The following DMBT1 variants were observed in gnomAD, a reference collection of about 807,000 sequenced individuals.
DMBT1 encodes deleted in malignant brain tumors 1.
A neutral mutation model predicts 252.9 loss-of-function variants in DMBT1; 198 were observed. The ratio of observed to expected loss-of-function variants is 0.78; its 90% confidence interval spans 0.70 to 0.88. DMBT1 has a LOEUF of 0.88. Among genes scored for constraint, DMBT1 ranks in the 40% least tolerant of loss-of-function variants. DMBT1 has a pLI of 0.00. For synonymous variants in DMBT1, 990 were observed against 942.7 expected, an observed-to-expected ratio of 1.05 and a Z score of -0.92; for missense variants, 2,432 against 2,404.7, an observed-to-expected ratio of 1.01 and a Z score of -0.24.
At position 122,621,121 on chromosome 10, in the gene DMBT1, G is replaced by T; in HGVS notation, c.5349G>T (p.Glu1783Asp). The change falls in exon 44 of 56, where the codon GAG becomes GAT. Residue 1783 changes from glutamate (E) to aspartate (D), a missense_variant. Glu to Asp is a conservative substitution (Grantham distance 45). This residue lies in a region of DMBT1 where 1,162 missense variants were observed against 1,169.0 expected (regional missense o/e 0.99). Transcript: ENST00000338354. ...GTGACAGGTGTCGAGGCCGAGTGGA[G>T]GTCCTGTATCGAGGCTCCTGGGGAA... is the stretch of plus-strand genomic sequence containing the variant. ...NGGDRCRGRV[E>D]VLYRGSWGTV... 6.2e-7 allele frequency: 1 copy of T among 1,613,772 alleles called. No individual in the cohort carries two copies. The highest frequency in any genetic ancestry group is 1.1e-5 in the South Asian group (1 of 91,076).
At chr10:122,631,754 G>T (rs1160700700) in intron 49 of DMBT1, 101 bp from the exon 50 acceptor site, 10 of 1,346,614 alleles carry the variant, frequency 7.4e-6, no homozygotes, top group Admixed American at 1.8e-5. Flanking sequence ...TCGCCGAGGG[G>T]GGTCAGGTTA....
rs145944415 is a variant in DMBT1 at position 122,619,235 on chromosome 10, TTCTA to T, written c.5216-69_5216-66del. The T allele has an allele frequency of 5.9e-3, 9,413 of 1,597,934 alleles. 42 individuals are homozygous for T. The highest frequency in any genetic ancestry group is 6.8e-3 in the Non-Finnish European group (7,922 of 1,166,402). ...CTGAGTGTCAGGCTTGCCCAGTTCC[TTCTA>T]TCTTTGTTCCAGTTTTGCCATTTTC... On this transcript the variant is annotated intron_variant, in intron 41 of 55. Transcript: ENST00000338354.
At position 122,579,694 on chromosome 10, in the gene DMBT1, A is replaced by G; in HGVS notation, c.796A>G (p.Asn266Asp). Residue 266 changes from asparagine (N) to aspartate (D), a missense_variant, in exon 10 of 56, where the codon AAT becomes GAT. This residue lies in a region of DMBT1 where 1,264 missense variants were observed against 1,082.2 expected (regional missense o/e 1.17). Coordinates refer to ENST00000338354, the MANE Select transcript of DMBT1 (RefSeq NM_001377530.1). ...GTVCDDYWDT[N>D]DANVVCRQLG... ...CGTGTGTGATGACTACTGGGACACC[A>G]ATGATGCCAATGTGGTCTGCAGGCA... 1 of 1,613,874 alleles carries G rather than the reference A, an allele frequency of 6.2e-7. No homozygotes were observed. Among genetic ancestry groups the G allele is most frequent in the East Asian group, 2.2e-5 (1 of 44,856 alleles).
In DMBT1 at chr10:122,592,372, T is replaced by C. The variant is rs767753908; in HGVS notation, c.2277T>C (p.Asp759=). The change falls in exon 20 of 56, where the codon GAT becomes GAC. Residue 759 remains aspartate, a synonymous_variant. Coordinates refer to ENST00000338354, the MANE Select transcript of DMBT1 (RefSeq NM_001377530.1). ...GAGGCTCCTGGGGCACCGTGTGTGA[T>C]GACAGCTGGGATACCAATGATGCCA... is the stretch of plus-strand genomic sequence containing the variant. ...LYRGSWGTVC[D]DSWDTNDANV... is the part of the protein sequence containing the mutation. 6.9e-6 allele frequency: 11 copies of C among 1,588,536 alleles called. 2 individuals carry two copies. The highest frequency in any genetic ancestry group is 5.7e-5 in the South Asian group (5 of 86,962).
At chr10:122,590,539 G>C in intron 17 of DMBT1, 126 bp from the exon 18 acceptor site, 1 of 1,199,892 alleles carries the variant, frequency 8.3e-7, no homozygotes, top group East Asian at 2.5e-5. Flanking sequence ...GCATGGCAAT[G>C]CCCCTCCCTC....
intron 42 of DMBT1, among the ~76,000 whole-genome samples, chr10:122,619,842 G>T (rs529901566): frequency 2.7e-4 from 41 of 152,354 alleles, no homozygotes; most frequent in African/African-American, 8.7e-4. Context: ...CCATGCTCGG[G>T]CAGGGAGAGG....
intron 6 of DMBT1, among the ~76,000 whole-genome samples, chr10:122,574,982 G>A (rs1281039269): frequency 6.6e-6 from 1 of 152,214 alleles, no homozygotes; most frequent in East Asian, 1.9e-4. Flanking sequence ...AGTGGGTTAA[G>A]GGTAACTCTC....
chr10:122,591,339 G>T, intron 18 of DMBT1, 140 bp from the exon 19 acceptor site: 1 of 977,792 alleles, frequency 1.0e-6, no homozygotes, highest in East Asian at 2.6e-5. Flanking sequence ...CTACAGACTT[G>T]GGCAGACACA....
chr10:122,560,960 G>A, intron 1 of DMBT1, 129 bp downstream of exon 1: 2 of 602,484 alleles, frequency 3.3e-6, no homozygotes, highest in South Asian at 3.0e-5. Flanking sequence ...GCTGATAATT[G>A]TAATTGTTTG....
At chr10:122,620,103 C>G in intron 42 of DMBT1, 150 bp from the exon 43 acceptor site, 1 of 798,762 alleles carries the variant, frequency 1.3e-6, no homozygotes, top group Admixed American at 2.0e-5. Flanking sequence ...GCTGTGCTCA[C>G]TGAGCTGAAG....
chr10:122,579,628 C>G lies in DMBT1; in HGVS notation c.730C>G (p.Arg244Gly), dbSNP rs1227952543. 1 of 1,613,492 alleles carries G rather than the reference C, an allele frequency of 6.2e-7. No individual in the cohort carries two copies. Among genetic ancestry groups the G allele is most frequent in the African/African-American group, 1.3e-5 (1 of 74,912 alleles). ...GCTGGTGAATGGAGGCGACAGGTGT[C>G]GAGGCCGAGTGGAGGTCCTATACCG... ...LRLVNGGDRCRGRVEVLYRGS... is the reference protein window; with the variant it reads ...LRLVNGGDRCGGRVEVLYRGS... Residue 244 changes from arginine (R) to glycine (G), a missense_variant, in exon 10 of 56, where the codon CGA (arginine) becomes GGA (glycine). Arg to Gly is a moderately radical substitution (Grantham distance 125). Coordinates refer to ENST00000338354, the MANE Select transcript of DMBT1 (RefSeq NM_001377530.1).
At chr10:122,638,436 T>A (rs993996727) in intron 54 of DMBT1, among the ~76,000 whole-genome samples, 9 of 152,226 alleles carry the variant, frequency 5.9e-5, no homozygotes, top group African/African-American at 2.2e-4. Flanking sequence ...TATTTATTTT[T>A]ATTTTATTTT....
intron 6 of DMBT1, 114 bp from the exon 7 acceptor site, chr10:122,576,285 T>C (rs2097711103): frequency 6.9e-7 from 1 of 1,443,278 alleles, no homozygotes. Flanking sequence ...CCCAGCCCAA[T>C]TAGAGATTCT....
intron 19 of DMBT1, 112 bp downstream of exon 19, chr10:122,591,629 C>T (rs1242135548): frequency 8.3e-7 from 1 of 1,207,180 alleles, no homozygotes; most frequent in Non-Finnish European, 1.2e-6. Flanking sequence ...TTTCACATCC[C>T]TGTGCGCTGA....
intron 20 of DMBT1, among the ~76,000 whole-genome samples, chr10:122,593,091 G>C (rs1029941683): frequency 1.3e-5 from 2 of 148,910 alleles, no homozygotes; most frequent in Admixed American, 6.7e-5. Context: ...TATCAGGCCT[G>C]GGTTGTGTGA....
At chr10:122,590,050 C>T (rs530768516) in intron 17 of DMBT1, among the ~76,000 whole-genome samples, 1 of 148,368 alleles carries the variant, frequency 6.7e-6, no homozygotes, top group African/African-American at 2.4e-5. Flanking sequence ...GGGGGACGGA[C>T]GATCTCACCG....
rs1426170179 is a variant in DMBT1, at chr10:122,643,660, CA to C, written c.*266del. The C allele has an allele frequency of 3.8e-6, 2 of 524,824 alleles. No individual in the cohort carries two copies. The highest frequency in any genetic ancestry group is 3.8e-5 in the African/African-American group (2 of 52,768). The allele number at this position is 524,824 out of a possible 1,614,324, so 32.5% of individuals were successfully genotyped here. Reference sequence around the variant, plus strand: ...TCCCAGAATCCATGCTTCTCATCTGCAAAATGAAAATGTCAATACTTACTTC... The same window carrying C: ...TCCCAGAATCCATGCTTCTCATCTGCAAATGAAAATGTCAATACTTACTTC... On this transcript the variant is annotated 3_prime_UTR_variant, in exon 56 of 56. Transcript: ENST00000338354.
At chr10:122,623,144 T>C (rs1326550713) in intron 44 of DMBT1, among the ~76,000 whole-genome samples, 2 of 152,178 alleles carry the variant, frequency 1.3e-5, no homozygotes, top group African/African-American at 4.8e-5. Context: ...GTGGTCACTT[T>C]CTATGAATGG....
chr10:122,586,089 G>A lies in DMBT1; in HGVS notation c.1489G>A (p.Val497Met), dbSNP rs1404857531. 2 of 1,588,990 alleles carry A rather than the reference G, an allele frequency of 1.3e-6. No individual in the cohort carries two copies. The highest frequency in any genetic ancestry group is 2.7e-5 in the African/African-American group (2 of 74,642). The change falls in exon 16 of 56, where the codon GTG (valine) becomes ATG (methionine). Residue 497 changes from valine (V) to methionine (M), a missense_variant. Physicochemically the swap from Val to Met is conservative, Grantham distance 21. Coordinates refer to ENST00000338354, the MANE Select transcript of DMBT1 (RefSeq NM_001377530.1). ...TGAATCCAGTTTGGCCCTGAGGCTG[G>A]TGAATGGAGGTGACAGGTGTCAGGG... The part of the protein sequence containing the change: ...GSESSLALRL[V>M]NGGDRCQGRV...
Sources: allele counts gnomAD v4.1 joint callset (sites outside exome capture counted in the v4.1 genomes callset), GRCh38; gene constraint gnomAD v4.1.1; regional missense constraint gnomAD v4.1.1; transcripts MANE v1.5; gene names NCBI Gene and HGNC (gene_info 2026-07-23, HGNC 2026-07-21).